TTBK1: variants seen among roughly 807,000 people sequenced by gnomAD.
The protein encoded by TTBK1 is tau tubulin kinase 1, also known as tau-tubulin kinase 1.
A neutral mutation model predicts 108.5 loss-of-function variants in TTBK1; 34 were observed. The observed-to-expected ratio is 0.31, with a 90% CI of 0.24 to 0.42. TTBK1 has a LOEUF of 0.42. Ranked by LOEUF, TTBK1 falls within the 10% of genes least tolerant of loss-of-function variation. The probability of loss-of-function intolerance (pLI) is 1.00; values close to 1 mark genes in which losing one functional copy is unlikely to be tolerated. For synonymous variants in TTBK1, 809 were observed against 795.1 expected (o/e 1.02, Z -0.29); for missense variants, 1,539 against 1,826.0 (o/e 0.84, Z 2.86).
chr6:43,246,525 G>C, intron 1 of TTBK1, 82 bp from the exon 2 acceptor site: 2 of 604,960 alleles, frequency 3.3e-6, no homozygotes, highest in East Asian at 2.9e-5. Flanking sequence ...ATGCAGAGCA[G>C]GAGTGGAGCT....
At chr6:43,274,707 C>T (rs763474937) in intron 13 of TTBK1, among the ~76,000 whole-genome samples, 5 of 151,872 alleles carry the variant, frequency 3.3e-5, no homozygotes, top group African/African-American at 7.3e-5. Context: ...AACCAGCCCA[C>T]CCTCCATACA....
chr6:43,246,562 C>G (rs1039914645), intron 1 of TTBK1, 45 bp from the exon 2 acceptor site: 1 of 827,084 alleles, frequency 1.2e-6, no homozygotes, highest in Non-Finnish European at 1.9e-6. Flanking sequence ...GCCAGGTGGT[C>G]CTGGGTCCGC....
chr6:43,260,869 G>T (rs1443923456), intron 12 of TTBK1, among the ~76,000 whole-genome samples: 1 of 152,014 alleles, frequency 6.6e-6, no homozygotes, highest in Non-Finnish European at 1.5e-5. Context: ...AAGCAGTTGA[G>T]ATTTGGATTT....
chr6:43,269,544 G>T lies in TTBK1; in HGVS notation c.1986+6194G>T. On this transcript the variant is annotated intron_variant, in intron 13 of 14. Transcript: ENST00000259750. This position sits in a 1 kb window ranked among gnomAD's most constrained non-coding sequence, Gnocchi z 4.8. ...ACCCCGCCCACTTGCCCGGGACGCCGGCGCCGCAGGGGCTGTGAGCGGTGG... is the reference window on the plus strand; with the variant it reads ...ACCCCGCCCACTTGCCCGGGACGCCTGCGCCGCAGGGGCTGTGAGCGGTGG... 5 of 1,346,166 alleles carry T rather than the reference G, an allele frequency of 3.7e-6. No homozygotes were observed. Among genetic ancestry groups the T allele is most frequent in the Middle Eastern group, 2.3e-4 (1 of 4,364 alleles). The allele number at this position is 1,346,166 out of a possible 1,614,324, so 83.4% of individuals were successfully genotyped here. A position where few individuals can be genotyped will look rare whatever the true frequency, so the allele number is the denominator to read the frequency against.
rs1325278256 is a variant in TTBK1 at position 43,287,808 on chromosome 6, C to G, written c.*2432C>G. 6.6e-6 allele frequency: 1 copy of G among 152,648 alleles called. No individual in the cohort carries two copies. Among genetic ancestry groups the G allele is most frequent in the Admixed American group, 6.5e-5 (1 of 15,312 alleles). 9.5% of individuals were successfully genotyped at this position (152,648 alleles called of 1,614,324 possible). On this transcript the variant is annotated 3_prime_UTR_variant, in exon 15 of 15. Transcript: ENST00000259750. This position sits in a 1 kb window ranked among gnomAD's most constrained non-coding sequence, Gnocchi z 4.1. The stretch of plus-strand genomic sequence containing the variant: ...CCCTTCCTCTGTAAAAGTGTCACAC[C>G]ACCTCCCTCAGCACTTCCCCATCAC...
In TTBK1 at chr6:43,253,719, C is replaced by A; in HGVS notation, c.471+11C>A. 6.2e-7 allele frequency: 1 copy of A among 1,606,500 alleles called. No individual in the cohort carries two copies. The highest frequency in any genetic ancestry group is 8.5e-7 in the Non-Finnish European group (1 of 1,175,984). On this transcript the variant is annotated intron_variant, in intron 5 of 14. Coordinates refer to ENST00000259750, the MANE Select transcript of TTBK1 (RefSeq NM_032538.3). This position sits in a 1 kb window ranked among gnomAD's most constrained non-coding sequence, Gnocchi z 5.8. ...CGTGACATCAAGCCTGTGAGTACTG[C>A]CCCCACACGCCTCTCTGTTCCCTCC... is the stretch of plus-strand genomic sequence containing the variant.
Position 43,269,789 on chromosome 6 carries a change from C to T in TTBK1, c.1986+6439C>T. 1 of 1,570,040 alleles carries T rather than the reference C, an allele frequency of 6.4e-7. No individual in the cohort carries two copies. Among genetic ancestry groups the T allele is most frequent in the Non-Finnish European group, 8.6e-7 (1 of 1,163,536 alleles). ...GCGGCTCCTCGGGCTCCTCCGGTTC[C>T]CTCATTCAGCGCAGCCGCTCGGCTG... is the stretch of plus-strand genomic sequence containing the variant. On this transcript the variant is annotated intron_variant, in intron 13 of 14. Transcript: ENST00000259750. The surrounding 1 kb of genome is among the most constrained non-coding windows in gnomAD (Gnocchi z 4.8).
In TTBK1 at chr6:43,287,499, G is replaced by C. The variant is rs1157868060; in HGVS notation, c.*2123G>C. The C allele has an allele frequency of 6.6e-6, 1 of 152,482 alleles. No homozygotes were observed. The allele number at this position is 152,482 out of a possible 1,614,324, so 9.4% of individuals were successfully genotyped here. A position where few individuals can be genotyped will look rare whatever the true frequency, so the allele number is the denominator to read the frequency against. On this transcript the variant is annotated 3_prime_UTR_variant, in exon 15 of 15. Transcript: ENST00000259750. This position sits in a 1 kb window ranked among gnomAD's most constrained non-coding sequence, Gnocchi z 4.1. ...TCCATTCTACCCCCAGCTTCACTCAGCACTGGAGCTGGCAGAGACGCAAAA... is the reference window on the plus strand; with the variant it reads ...TCCATTCTACCCCCAGCTTCACTCACCACTGGAGCTGGCAGAGACGCAAAA...
chr6:43,283,335 C>T lies in TTBK1; in HGVS notation c.2595C>T (p.Leu865=), dbSNP rs546342455. 1.6e-4 allele frequency: 257 copies of T among 1,589,252 alleles called. No homozygotes were observed. The highest frequency in any genetic ancestry group is 1.9e-4 in the Non-Finnish European group (227 of 1,167,894). ...PDPDLGTLAA[L]TPQHERPQPT... ...CCGACCTGGGCACCCTGGCTGCCCTCACTCCTCAGCATGAGCGGCCCCAGC... is the reference window on the plus strand; with the variant it reads ...CCGACCTGGGCACCCTGGCTGCCCTTACTCCTCAGCATGAGCGGCCCCAGC... The change falls in exon 14 of 15, where the codon CTC becomes CTT. Residue 865 remains leucine (L), a synonymous_variant. Coordinates refer to ENST00000259750, the MANE Select transcript of TTBK1 (RefSeq NM_032538.3). The surrounding 1 kb of genome is among the most constrained non-coding windows in gnomAD (Gnocchi z 8.1).
intron 13 of TTBK1, among the ~76,000 whole-genome samples, chr6:43,278,138 A>G (rs1029815068): frequency 6.6e-6 from 1 of 152,102 alleles, no homozygotes; most frequent in Non-Finnish European, 1.5e-5. Context: ...GGGTGGGGCT[A>G]TGTGGAGCCC....
At position 43,243,481 on chromosome 6, in the gene TTBK1, A is replaced by C. The variant is rs1478974413; in HGVS notation, c.-282A>C. 6.6e-6 allele frequency among the ~76,000 whole-genome samples: 1 copy of C among 152,022 alleles called. No homozygotes were observed. The highest frequency in any genetic ancestry group is 1.5e-5 in the Non-Finnish European group (1 of 67,952). ...GGTGCTGATGCTGGCGGCGCGGTGC[A>C]TTGTGGGCAGCTCCCCGCTCTGCCG... On this transcript the variant is annotated 5_prime_UTR_variant, in exon 1 of 15. Coordinates refer to ENST00000259750, the MANE Select transcript of TTBK1 (RefSeq NM_032538.3). This position sits in a 1 kb window ranked among gnomAD's most constrained non-coding sequence, Gnocchi z 5.5.
In TTBK1 at chr6:43,283,476, G is replaced by T. The variant is rs1778249557; in HGVS notation, c.2736G>T (p.Gly912=). ...AGLGAGTVTT[G]VGGVAVTSSP... is the part of the protein sequence containing the mutation. ...TGGGGGCCGGGACAGTGACCACAGG[G>T]GTCGGGGGCGTGGCAGTCACCTCCT... The change falls in exon 14 of 15, where the codon GGG becomes GGT. Residue 912 remains glycine, a synonymous_variant. Transcript: ENST00000259750. This position sits in a 1 kb window ranked among gnomAD's most constrained non-coding sequence, Gnocchi z 8.1. 5 of 1,614,002 alleles carry T rather than the reference G, an allele frequency of 3.1e-6. No individual in the cohort carries two copies. In the African/African-American group the frequency reaches 6.7e-5, roughly 22 times the overall value.
chr6:43,252,441 C>A (rs1777269228), intron 2 of TTBK1, among the ~76,000 whole-genome samples: 1 of 151,990 alleles, frequency 6.6e-6, no homozygotes, highest in African/African-American at 2.4e-5. Flanking sequence ...GCCTGGCCAA[C>A]ATGGTGAAAC....
Position 43,283,959 on chromosome 6 carries a change from G to A in TTBK1, c.3219G>A (p.Leu1073=). Residue 1073 remains leucine (L), a synonymous_variant, in exon 14 of 15, where the codon CTG becomes CTA. Coordinates refer to ENST00000259750, the MANE Select transcript of TTBK1 (RefSeq NM_032538.3). The surrounding 1 kb of genome is among the most constrained non-coding windows in gnomAD (Gnocchi z 8.1). Reference sequence around the variant, plus strand: ...CGGGCTCGGAGCCCTCAGGCTCACTGTCGGCCAAAGAGCGGTGGAGCAAGC... The same window carrying A: ...CGGGCTCGGAGCCCTCAGGCTCACTATCGGCCAAAGAGCGGTGGAGCAAGC... ...EDTGSEPSGS[L]SAKERWSKRA... is the part of the protein sequence containing the mutation. 1 of 1,612,372 alleles carries A rather than the reference G, an allele frequency of 6.2e-7. No homozygotes were observed. The highest frequency in any genetic ancestry group is 8.5e-7 in the Non-Finnish European group (1 of 1,179,186).
At chr6:43,281,034 C>T (rs1346081580) in intron 13 of TTBK1, among the ~76,000 whole-genome samples, 1 of 152,084 alleles carries the variant, frequency 6.6e-6, no homozygotes, top group Non-Finnish European at 1.5e-5. Context: ...CAGTAGTAGC[C>T]AGGTCACAGG....
At chr6:43,251,748 G>A (rs769299386) in intron 2 of TTBK1, among the ~76,000 whole-genome samples, 5 of 152,208 alleles carry the variant, frequency 3.3e-5, no homozygotes. Flanking sequence ...TCCAGGCGCC[G>A]GTCCCACCAC....
chr6:43,252,902 A>AG lies in TTBK1; in HGVS notation c.256+21dup, dbSNP rs773902587. ...AAGTTGCAAGGTTCGGGCCTCGGGC[A>AG]GGGGGATGGGAAGGAAGAGATGATG... On this transcript the variant is annotated intron_variant, in intron 3 of 14. Transcript: ENST00000259750. 58 of 1,612,458 alleles carry AG rather than the reference A, an allele frequency of 3.6e-5. 1 individual carries two copies. In the Middle Eastern group the frequency reaches 2.0e-3, roughly 57 times the overall value.
In TTBK1 at chr6:43,259,463, C is replaced by A; in HGVS notation, c.1249-68C>A. On this transcript the variant is annotated intron_variant, in intron 11 of 14. Coordinates refer to ENST00000259750, the MANE Select transcript of TTBK1 (RefSeq NM_032538.3). The surrounding 1 kb of genome is among the most constrained non-coding windows in gnomAD (Gnocchi z 6.7). ...TCATCATCATCCTCTGTCTCCTTCA[C>A]CCTGAGGAGACCATCCGCCCACAGC... 6.8e-7 allele frequency: 1 copy of A among 1,462,796 alleles called. No homozygotes were observed. Among genetic ancestry groups the A allele is most frequent in the Non-Finnish European group, 9.2e-7 (1 of 1,091,192 alleles). 90.6% of individuals were successfully genotyped at this position (1,462,796 alleles called of 1,614,324 possible).
Position 43,283,673 on chromosome 6 carries a change from C to T in TTBK1, c.2933C>T (p.Pro978Leu). 1 of 1,613,942 alleles carries T rather than the reference C, an allele frequency of 6.2e-7. No individual in the cohort carries two copies. ...GCTGTGGAGGAGGGGGCCCGAGCGC[C>T]CCTGGAGAACGGCCTCGCCCTGTCA... ...GGAVEEGARA[P>L]LENGLALSGL... Residue 978 changes from proline (P) to leucine (L), a missense_variant, in exon 14 of 15, where the codon CCC becomes CTC. By Grantham distance (98) the Pro-to-Leu change is moderately conservative. This residue lies in a region of TTBK1 where 1,055 missense variants were observed against 1,086.5 expected (regional missense o/e 0.97). Coordinates refer to ENST00000259750, the MANE Select transcript of TTBK1 (RefSeq NM_032538.3). This position sits in a 1 kb window ranked among gnomAD's most constrained non-coding sequence, Gnocchi z 8.1.
Sources: gnomAD v4.1 joint callset for allele counts (sites outside exome capture counted in the v4.1 genomes callset) on GRCh38, gnomAD v4.1.1 for gene constraint, gnomAD v4.1.1 regional missense constraint, Gnocchi (gnomAD v3.1) non-coding constraint, MANE v1.5 for transcripts, NCBI Gene and HGNC (gene_info 2026-07-23, HGNC 2026-07-21) for gene names.